Variants in MELK observed in about 807,000 individuals in gnomAD.
The protein encoded by MELK is maternal embryonic leucine zipper kinase.
A neutral mutation model predicts 85.0 loss-of-function variants in MELK; 81 were observed. The observed-to-expected ratio is 0.95, with a 90% CI of 0.80 to 1.15. MELK has a LOEUF of 1.15. Among genes scored for constraint, MELK ranks in the 50% most tolerant of loss-of-function variants. The pLI, the probability that MELK is intolerant of heterozygous loss-of-function variation, is 0.00. For missense variants in MELK, 754 were observed against 777.5 expected, an observed-to-expected ratio of 0.97 and a Z score of 0.36; for synonymous variants, 252 against 265.0, an observed-to-expected ratio of 0.95 and a Z score of 0.48.
At chr9:36,657,550 G>A (rs752414357) in intron 13 of MELK, among the ~76,000 whole-genome samples, 187 bp downstream of exon 13, 2 of 152,156 alleles carry the variant, frequency 1.3e-5, no homozygotes, top group Non-Finnish European at 2.9e-5. Flanking sequence ...AGAAAGCCAA[G>A]ATTCTATTTT....
intron 5 of MELK, among the ~76,000 whole-genome samples, chr9:36,596,903 ACTT>A (rs766838726): frequency 6.6e-6 from 1 of 151,682 alleles, no homozygotes; most frequent in Non-Finnish European, 1.5e-5. Context: ...TCCCTTATAT[ACTT>A]CTTGTCATTT....
chr9:36,574,395 G>A (rs1208115091), intron 1 of MELK, among the ~76,000 whole-genome samples: 13 of 145,608 alleles, frequency 8.9e-5, no homozygotes, highest in Non-Finnish European at 1.9e-4. Context: ...GACCAGCCTG[G>A]CCAACATGGC....
chr9:36,575,607 A>AG, intron 1 of MELK, among the ~76,000 whole-genome samples: 1 of 152,304 alleles, frequency 6.6e-6, no homozygotes, highest in East Asian at 1.9e-4. Flanking sequence ...GAAGAAAGAA[A>AG]GAAAAAAAAA....
chr9:36,635,032 T>C (rs79273348), intron 10 of MELK, among the ~76,000 whole-genome samples: 4,436 of 152,238 alleles, frequency 0.029, 219 homozygotes, highest in African/African-American at 0.1. Flanking sequence ...TATCAAACTT[T>C]GGTATTGTAG....
intron 10 of MELK, among the ~76,000 whole-genome samples, chr9:36,636,782 T>TTCTGTCTGTCTGTCTG (rs1554728995): frequency 1.3e-3 from 135 of 107,664 alleles, no homozygotes; most frequent in African/African-American, 3.1e-3. Context: ...CTTTCTTTCT[T>TTCTGTCTGTCTGTCTG]TCTGTCTGTC....
intron 13 of MELK, among the ~76,000 whole-genome samples, chr9:36,664,281 A>G (rs1458343008): frequency 6.6e-6 from 1 of 152,136 alleles, no homozygotes; most frequent in East Asian, 1.9e-4. Context: ...TGATAATTTT[A>G]ATATCTGAAA....
chr9:36,667,133 TC>T (rs532306332), intron 14 of MELK, among the ~76,000 whole-genome samples: 4 of 151,624 alleles, frequency 2.6e-5, no homozygotes, highest in African/African-American at 9.7e-5. Flanking sequence ...CATTCAACGA[TC>T]TTTTTTTTCC....
intron 12 of MELK, among the ~76,000 whole-genome samples, chr9:36,656,587 T>C (rs1831268831): frequency 6.6e-6 from 1 of 152,204 alleles, no homozygotes; most frequent in South Asian, 2.1e-4. Flanking sequence ...GGTGGTCCCA[T>C]AAAATTATAA....
chr9:36,657,660 G>A (rs538268839), intron 13 of MELK, among the ~76,000 whole-genome samples: 322 of 152,118 alleles, frequency 2.1e-3, no homozygotes, highest in African/African-American at 7.2e-3. Context: ...GCACGATCTC[G>A]GCTCACTGCA....
chr9:36,655,445 A>G (rs886628856), intron 12 of MELK, among the ~76,000 whole-genome samples: 2 of 107,296 alleles, frequency 1.9e-5, no homozygotes, highest in African/African-American at 5.8e-5. Flanking sequence ...AGAAGAGTTC[A>G]AGTAGGGGGA....
At chr9:36,573,569 G>A (rs1239470847) in intron 1 of MELK, among the ~76,000 whole-genome samples, 3 of 152,070 alleles carry the variant, frequency 2.0e-5, no homozygotes, top group African/African-American at 2.4e-5. Context: ...GCAATGGCGC[G>A]ATCTCGGCTC....
intron 14 of MELK, 47 bp from the exon 15 acceptor site, chr9:36,669,263 C>A: frequency 2.4e-6 from 3 of 1,265,550 alleles, no homozygotes; most frequent in Non-Finnish European, 3.3e-6. Context: ...AATTTCAGAA[C>A]CATAGTATGT....
chr9:36,594,620 T>C lies in MELK; in HGVS notation c.262-8T>C, dbSNP rs377545931. Reference sequence around the variant, plus strand: ...GTAACAATATCTGTGATTCCATTGCTGTTGAAGTACTGCCCTGGAGGAGAG... The same window carrying C: ...GTAACAATATCTGTGATTCCATTGCCGTTGAAGTACTGCCCTGGAGGAGAG... On this transcript the variant is annotated splice_polypyrimidine_tract_variant and splice_region_variant and intron_variant, in intron 4 of 17. Transcript: ENST00000298048. 1.2e-6 allele frequency: 2 copies of C among 1,609,082 alleles called. No homozygotes were observed. The highest frequency in any genetic ancestry group is 8.5e-7 in the Non-Finnish European group (1 of 1,178,476).
At chr9:36,625,869 G>A (rs559235004) in intron 8 of MELK, among the ~76,000 whole-genome samples, 3 of 150,584 alleles carry the variant, frequency 2.0e-5, no homozygotes, top group Admixed American at 1.3e-4. Flanking sequence ...TGCAGTGAGC[G>A]AAGATTGTGC....
intron 8 of MELK, 39 bp downstream of exon 8, chr9:36,607,712 T>A (rs1239442291): frequency 7.6e-7 from 1 of 1,322,630 alleles, no homozygotes; most frequent in East Asian, 2.3e-5. Context: ...TGTAGAACTT[T>A]TCTATACCGA....
At chr9:36,635,754 A>G (rs1274496890) in intron 10 of MELK, among the ~76,000 whole-genome samples, 1 of 152,186 alleles carries the variant, frequency 6.6e-6, no homozygotes, top group Non-Finnish European at 1.5e-5. Context: ...ATTTAAGTTT[A>G]AACAATTTAA....
intron 12 of MELK, among the ~76,000 whole-genome samples, chr9:36,653,737 T>A (rs1830941513): frequency 6.6e-6 from 1 of 152,212 alleles, no homozygotes; most frequent in Middle Eastern, 3.4e-3. Flanking sequence ...CAATTGACTG[T>A]GTGGATGAAA....
At position 36,607,579 on chromosome 9, in the gene MELK, A is replaced by G; in HGVS notation, c.572A>G (p.Asp191Gly). ...QGKSYLGSEA[D>G]VWSMGILLYV... ...CTTTTTCCCTCTTTCTCTCAGGCAG[A>G]TGTTTGGAGCATGGGCATACTGTTA... The change falls in exon 8 of 18, where the codon GAT (aspartate) becomes GGT (glycine). Residue 191 changes from aspartate (D) to glycine (G), a missense_variant. Transcript: ENST00000298048. 1 of 1,607,848 alleles carries G rather than the reference A, an allele frequency of 6.2e-7. No individual in the cohort carries two copies. Among genetic ancestry groups the G allele is most frequent in the Non-Finnish European group, 8.5e-7 (1 of 1,175,430 alleles).
chr9:36,630,402 T>C (rs749631131), intron 9 of MELK, 35 bp downstream of exon 9: 5 of 1,529,886 alleles, frequency 3.3e-6, no homozygotes, highest in Non-Finnish European at 4.5e-6. Flanking sequence ...AAGTCTATTG[T>C]AATTGTTTGG....
Sources: allele counts gnomAD v4.1 joint callset (sites outside exome capture counted in the v4.1 genomes callset), GRCh38; gene constraint gnomAD v4.1.1; transcripts MANE v1.5; gene names NCBI Gene and HGNC (gene_info 2026-07-23, HGNC 2026-07-21).